NALCN: variants seen among roughly 807,000 people sequenced by gnomAD.
NALCN encodes sodium leak channel NALCN.
NALCN carries 111 observed loss-of-function variants against 225.3 expected under a neutral mutation model. The ratio of observed to expected loss-of-function variants is 0.49; its 90% confidence interval spans 0.42 to 0.58. The LOEUF (loss-of-function observed/expected upper bound fraction) is 0.58. NALCN is among the 20% of genes least tolerant of loss of function. NALCN has a pLI of 0.00. For missense variants in NALCN, 1,378 were observed against 2,202.4 expected (o/e 0.63, Z 7.49); for synonymous variants, 764 against 769.0 (o/e 0.99, Z 0.11).
At chr13:101,287,318 G>A (rs2043374728) in intron 9 of NALCN, among the ~76,000 whole-genome samples, 1 of 152,176 alleles carries the variant, frequency 6.6e-6, no homozygotes, top group Non-Finnish European at 1.5e-5. Flanking sequence ...AAGTTAACAT[G>A]AGGCCAGAAC....
intron 15 of NALCN, among the ~76,000 whole-genome samples, chr13:101,166,381 A>G (rs1354019610): frequency 1.4e-5 from 2 of 143,142 alleles, no homozygotes; most frequent in African/African-American, 2.7e-5. Context: ...AAATGTTGCA[A>G]TTTTTTCACA....
chr13:101,411,016 G>A lies in NALCN; in HGVS notation c.-40+5297C>T, dbSNP rs192257728. Among the ~76,000 whole-genome samples, 91 of 152,152 alleles carry A rather than the reference G, an allele frequency of 6.0e-4. 1 individual carries two copies. Among genetic ancestry groups the A allele is most frequent in the Non-Finnish European group, 4.1e-4 (28 of 68,002 alleles). On this transcript the variant is annotated intron_variant, in intron 1 of 43. Transcript: ENST00000251127. ...GAATTGTATATCCAATTTCTCCAGT[G>A]CATTTCTTCACTAACCTCCTTGTCA...
chr13:101,167,066 T>C (rs2038476169), intron 15 of NALCN, among the ~76,000 whole-genome samples: 1 of 152,222 alleles, frequency 6.6e-6, no homozygotes. Context: ...TCTGTTCCAC[T>C]GGTCTATATG....
intron 2 of NALCN, among the ~76,000 whole-genome samples, chr13:101,397,418 T>C (rs2047341386): frequency 6.6e-6 from 1 of 150,824 alleles, no homozygotes; most frequent in Non-Finnish European, 1.5e-5. Context: ...CATATATACA[T>C]ATTACATATA....
chr13:101,081,377 G>T, intron 34 of NALCN, 150 bp downstream of exon 34: 1 of 1,088,640 alleles, frequency 9.2e-7, no homozygotes, highest in Non-Finnish European at 1.3e-6. Context: ...ATGTCTGAGA[G>T]CCCATCACAG....
intron 18 of NALCN, among the ~76,000 whole-genome samples, chr13:101,123,006 G>A (rs149910186): frequency 1.1e-4 from 17 of 152,270 alleles, no homozygotes; most frequent in South Asian, 1.0e-3. Context: ...CATAGTTTCC[G>A]GATGAGTGAG....
chr13:101,139,332 AGTT>A (rs1014713189), intron 17 of NALCN, among the ~76,000 whole-genome samples: 4 of 152,018 alleles, frequency 2.6e-5, no homozygotes, highest in African/African-American at 9.7e-5. Context: ...GGTTGCTGTC[AGTT>A]GTTGTTTTTT....
intron 7 of NALCN, among the ~76,000 whole-genome samples, chr13:101,328,116 G>A (rs1011131680): frequency 6.6e-6 from 1 of 152,196 alleles, no homozygotes; most frequent in African/African-American, 2.4e-5. Context: ...CACAGCTACA[G>A]CATTGCTTTA....
intron 38 of NALCN, 92 bp from the exon 39 acceptor site, chr13:101,068,125 C>A: frequency 1.2e-6 from 1 of 802,896 alleles, no homozygotes; most frequent in East Asian, 2.7e-5. Flanking sequence ...ATAATGGATT[C>A]TATCACCTAT....
At chr13:101,107,333 C>T (rs943658922) in intron 22 of NALCN, among the ~76,000 whole-genome samples, 154 bp downstream of exon 22, 10 of 152,208 alleles carry the variant, frequency 6.6e-5, no homozygotes, top group African/African-American at 1.9e-4. Flanking sequence ...TCCACCTGGT[C>T]GGGTGTTCAG....
chr13:101,283,942 G>C lies in NALCN; in HGVS notation c.1125C>G (p.Ala375=). 6.2e-7 allele frequency: 1 copy of C among 1,612,556 alleles called. No individual in the cohort carries two copies. The highest frequency in any genetic ancestry group is 8.5e-7 in the Non-Finnish European group (1 of 1,179,580). ...TGTCATTGTACTGCACCTGGAGGCAGGCTGGGGCGCGTCCCTGGGGCTTGT... is the reference window on the plus strand; with the variant it reads ...TGTCATTGTACTGCACCTGGAGGCACGCTGGGGCGCGTCCCTGGGGCTTGT... The part of the protein sequence containing the change: ...DVNKPQGRAP[A]CLQKMMRSSV... Residue 375 remains alanine, a synonymous_variant, in exon 10 of 44, where the codon GCC becomes GCG. Transcript: ENST00000251127.
chr13:101,201,912 A>T (rs2040138637), intron 13 of NALCN, among the ~76,000 whole-genome samples: 1 of 152,170 alleles, frequency 6.6e-6, no homozygotes, highest in Non-Finnish European at 1.5e-5. Flanking sequence ...TTATTGAGAG[A>T]GTCCCTGTTA....
chr13:101,124,755 T>C (rs1258624164), intron 17 of NALCN, 74 bp from the exon 18 acceptor site: 8 of 1,181,456 alleles, frequency 6.8e-6, no homozygotes, highest in Non-Finnish European at 1.0e-5. Context: ...ATTCAATAGA[T>C]GACATTGTTA....
chr13:101,137,886 A>G (rs2036879629), intron 17 of NALCN, among the ~76,000 whole-genome samples: 1 of 152,190 alleles, frequency 6.6e-6, no homozygotes, highest in Non-Finnish European at 1.5e-5. Flanking sequence ...TAACATTATT[A>G]CATTATTTGA....
intron 18 of NALCN, among the ~76,000 whole-genome samples, chr13:101,123,932 G>A (rs1264057488): frequency 2.0e-5 from 3 of 152,170 alleles, no homozygotes; most frequent in African/African-American, 7.2e-5. Context: ...CACTCGCCTT[G>A]CGAGCGATCC....
chr13:101,116,304 T>A (rs1031729709), intron 18 of NALCN: 1 of 151,266 alleles, frequency 6.6e-6, no homozygotes, highest in Non-Finnish European at 1.4e-5. Flanking sequence ...TTGCTCCTTA[T>A]ATGACAGCCA....
At chr13:101,244,496 T>C (rs74120455) in intron 11 of NALCN, among the ~76,000 whole-genome samples, 1,638 of 152,332 alleles carry the variant, frequency 0.011, 29 homozygotes, top group African/African-American at 0.037. Flanking sequence ...TCACTGATTT[T>C]CCCCTAGAAT....
At chr13:101,195,265 A>G (rs945516810) in intron 13 of NALCN, among the ~76,000 whole-genome samples, 2 of 152,032 alleles carry the variant, frequency 1.3e-5, no homozygotes, top group Non-Finnish European at 2.9e-5. Context: ...TGACCATTTT[A>G]TTTTCTTTAT....
intron 13 of NALCN, among the ~76,000 whole-genome samples, chr13:101,205,625 G>A (rs2040283249): frequency 6.6e-6 from 1 of 152,056 alleles, no homozygotes; most frequent in Non-Finnish European, 1.5e-5. Flanking sequence ...ATGCAAATAG[G>A]GGACTTTTGA....
Sources: gnomAD v4.1 joint callset for allele counts (sites outside exome capture counted in the v4.1 genomes callset) on GRCh38, gnomAD v4.1.1 for gene constraint, MANE v1.5 for transcripts, NCBI Gene and HGNC (gene_info 2026-07-23, HGNC 2026-07-21) for gene names.